The following ROS1 variants were observed in gnomAD, a reference collection of about 807,000 sequenced individuals.
The protein encoded by ROS1 is ROS proto-oncogene 1, receptor tyrosine kinase, also known as proto-oncogene tyrosine-protein kinase ROS.
In ROS1, 263 loss-of-function variants were observed where a neutral mutation model predicts 273.5. The ratio of observed to expected loss-of-function variants is 0.96; its 90% CI spans 0.87 to 1.06. The LOEUF (loss-of-function observed/expected upper bound fraction) is 1.06, where lower values mean the gene tolerates loss of function less well. ROS1 is among the 50% of genes least tolerant of loss of function. ROS1 has a pLI of 0.00. For missense variants in ROS1, 2,833 were observed against 2,751.1 expected, an observed-to-expected ratio of 1.03 and a Z score of -0.67; for synonymous variants, 1,008 against 954.1, an observed-to-expected ratio of 1.06 and a Z score of -1.04.
At chr6:117,301,239 C>T (rs1162708059) in intron 42 of ROS1, 102 bp from the exon 43 acceptor site, 11 of 992,506 alleles carry the variant, frequency 1.1e-5, no homozygotes, top group Non-Finnish European at 1.6e-5. Flanking sequence ...GAGTTATTGC[C>T]AGTTTTCCTT....
chr6:117,394,102 C>G lies in ROS1; in HGVS notation c.1191+60G>C, dbSNP rs746524835. On this transcript the variant is annotated intron_variant, in intron 11 of 43. Coordinates refer to ENST00000368507, the MANE Select transcript of ROS1 (RefSeq NM_001378902.1). ...CAATTGTGTTTAGTATTAAATATACCAAGATATGCATATCAGTATCACTGT... is the reference window on the plus strand; with the variant it reads ...CAATTGTGTTTAGTATTAAATATACGAAGATATGCATATCAGTATCACTGT... 3.7e-6 allele frequency: 4 copies of G among 1,094,428 alleles called. No individual in the cohort carries two copies. In the South Asian group the frequency reaches 7.1e-5, roughly 19 times the overall value. The allele number at this position is 1,094,428 out of a possible 1,614,324, so 67.8% of individuals were successfully genotyped here. A position where few individuals can be genotyped will look rare whatever the true frequency, so the allele number is the denominator to read the frequency against.
chr6:117,399,149 C>T (rs937508882), intron 7 of ROS1, among the ~76,000 whole-genome samples: 2 of 152,150 alleles, frequency 1.3e-5, no homozygotes, highest in Non-Finnish European at 2.9e-5. Context: ...CATGTAGGGT[C>T]TAGAAGACAC....
chr6:117,407,526 C>A (rs1236912345), intron 5 of ROS1, among the ~76,000 whole-genome samples: 2 of 152,042 alleles, frequency 1.3e-5, no homozygotes, highest in Admixed American at 6.6e-5. Context: ...ATTTCTAGAG[C>A]CTTTTGGGGA....
chr6:117,353,766 G>A (rs959971271), intron 26 of ROS1, among the ~76,000 whole-genome samples: 1 of 152,252 alleles, frequency 6.6e-6, no homozygotes, highest in African/African-American at 2.4e-5. Flanking sequence ...GTAAATGAAC[G>A]AATGAAAGGG....
chr6:117,365,228 A>G (rs765575939), intron 20 of ROS1, 24 bp from the exon 21 acceptor site: 10 of 1,543,116 alleles, frequency 6.5e-6, no homozygotes, highest in Non-Finnish European at 8.8e-6. Context: ...AGAAAACATT[A>G]TTTTCTCAGG....
chr6:117,409,657 G>C lies in ROS1; in HGVS notation c.256-15C>G, dbSNP rs369894311. The C allele has an allele frequency of 1.2e-6, 2 of 1,611,334 alleles. No individual in the cohort carries two copies. Among genetic ancestry groups the C allele is most frequent in the African/African-American group, 2.7e-5 (2 of 74,838 alleles). ...CACGACTCCCGCTGTGGAAGACAGG[G>C]AGCATGACAGTCAGGGCAGCCTTGA... On this transcript the variant is annotated splice_polypyrimidine_tract_variant and intron_variant, in intron 4 of 43. Coordinates refer to ENST00000368507, the MANE Select transcript of ROS1 (RefSeq NM_001378902.1).
At chr6:117,323,344 G>A (rs907175546) in intron 35 of ROS1, among the ~76,000 whole-genome samples, 6 of 152,144 alleles carry the variant, frequency 3.9e-5, no homozygotes, top group Non-Finnish European at 7.4e-5. Context: ...AGTGTTGGCT[G>A]TCTTTATCCT....
At chr6:117,355,001 G>A (rs1779187579) in intron 26 of ROS1, among the ~76,000 whole-genome samples, 1 of 152,188 alleles carries the variant, frequency 6.6e-6, no homozygotes. Context: ...GCTAAAGGCA[G>A]GCCAAGAGCC....
At chr6:117,425,346 C>T (rs998754591) in intron 1 of ROS1, among the ~76,000 whole-genome samples, 188 bp downstream of exon 1, 1 of 152,154 alleles carries the variant, frequency 6.6e-6, no homozygotes, top group East Asian at 1.9e-4. Flanking sequence ...AATAAAATAG[C>T]CTGCTTTATC....
intron 42 of ROS1, among the ~76,000 whole-genome samples, chr6:117,304,752 C>T (rs1210304562): frequency 6.6e-6 from 1 of 152,110 alleles, no homozygotes; most frequent in Non-Finnish European, 1.5e-5. Context: ...GCCCTGCGTC[C>T]CCACCCAAAT....
At chr6:117,373,277 C>T (rs1206353660) in intron 18 of ROS1, among the ~76,000 whole-genome samples, 14 of 152,254 alleles carry the variant, frequency 9.2e-5, no homozygotes, top group Admixed American at 8.5e-4. Flanking sequence ...GCCAGTCCTA[C>T]ACCATGCGCC....
At chr6:117,372,797 T>C (rs981939148) in intron 18 of ROS1, among the ~76,000 whole-genome samples, 4 of 152,186 alleles carry the variant, frequency 2.6e-5, no homozygotes, top group East Asian at 1.9e-4. Flanking sequence ...GCCACACTTA[T>C]CACAAAGAGC....
intron 17 of ROS1, 78 bp downstream of exon 17, chr6:117,383,239 C>T (rs1772296518): frequency 1.7e-6 from 2 of 1,174,732 alleles, no homozygotes; most frequent in South Asian, 1.6e-5. Context: ...TAAGTACTCA[C>T]AATAAGCGAG....
intron 26 of ROS1, among the ~76,000 whole-genome samples, chr6:117,355,859 C>A (rs929838278): frequency 2.0e-5 from 3 of 152,094 alleles, no homozygotes; most frequent in Admixed American, 2.0e-4. Context: ...GATCTACCCA[C>A]CTCGGCCTTC....
At position 117,319,853 on chromosome 6, in the gene ROS1, G is replaced by C. The variant is rs2071974; in HGVS notation, c.5922+15C>G. 1 of 1,609,658 alleles carries C rather than the reference G, an allele frequency of 6.2e-7. No individual in the cohort carries two copies. The highest frequency in any genetic ancestry group is 2.2e-5 in the East Asian group (1 of 44,822). ...GGTGATATAATGTGTCAAGGAGTTC[G>C]AAGATTCACATTACCTTCACTGCTA... On this transcript the variant is annotated intron_variant, in intron 37 of 43. Coordinates refer to ENST00000368507, the MANE Select transcript of ROS1 (RefSeq NM_001378902.1).
At chr6:117,404,003 G>A (rs866386109) in intron 6 of ROS1, among the ~76,000 whole-genome samples, 58 of 152,300 alleles carry the variant, frequency 3.8e-4, no homozygotes, top group South Asian at 6.2e-4. Context: ...TTGGGAGGCC[G>A]AGGCGGGCGG....
At chr6:117,336,904 T>G (rs1041357467) in intron 32 of ROS1, among the ~76,000 whole-genome samples, 1 of 152,132 alleles carries the variant, frequency 6.6e-6, no homozygotes, top group Admixed American at 6.6e-5. Context: ...GTTATCACCA[T>G]AAAATTGTCA....
intron 43 of ROS1, among the ~76,000 whole-genome samples, chr6:117,295,252 C>G (rs1774140024): frequency 6.6e-6 from 1 of 152,156 alleles, no homozygotes; most frequent in Admixed American, 6.5e-5. Context: ...ACAGTCTCTT[C>G]AATAAATGCT....
intron 31 of ROS1, among the ~76,000 whole-genome samples, chr6:117,337,907 G>T (rs1777594255): frequency 6.6e-6 from 1 of 151,928 alleles, no homozygotes; most frequent in Admixed American, 6.6e-5. Context: ...GCCAAAAGAA[G>T]AAAAATTTTG....
Sources: gnomAD v4.1 joint callset for allele counts (sites outside exome capture counted in the v4.1 genomes callset) on GRCh38, gnomAD v4.1.1 for gene constraint, MANE v1.5 for transcripts, NCBI Gene and HGNC (gene_info 2026-07-23, HGNC 2026-07-21) for gene names.